The following GET3 variants were observed in gnomAD, a reference collection of about 807,000 sequenced individuals.
GET3 encodes ATPase GET3.
A neutral mutation model predicts 32.4 loss-of-function variants in GET3; 15 were observed. The observed-to-expected ratio is 0.46, with a 90% CI of 0.31 to 0.71. The LOEUF (loss-of-function observed/expected upper bound fraction) is 0.71. Among genes scored for constraint, GET3 ranks in the 30% least tolerant of loss-of-function variants. The pLI is 0.05. For missense variants in GET3, 333 were observed against 459.0 expected, an observed-to-expected ratio of 0.73 and a Z score of 2.51; for synonymous variants, 198 against 185.6, an observed-to-expected ratio of 1.07 and a Z score of -0.54.
At chr19:12,737,945 C>A (rs1039598321) in intron 1 of GET3, among the ~76,000 whole-genome samples, 1 of 152,272 alleles carries the variant, frequency 6.6e-6, no homozygotes, top group Non-Finnish European at 1.5e-5. Flanking sequence ...TCAGCTGGAC[C>A]GTACCTGAGT....
At chr19:12,737,391 C>A, upstream of GET3, 1 of 1,273,964 alleles carries the variant, frequency 7.8e-7, no homozygotes, top group Non-Finnish European at 1.0e-6. Context: ...TCCTAAAAGG[C>A]AAGTAATGAG....
At chr19:12,737,209 C>T (rs140982769), upstream of GET3, 91 of 277,444 alleles carry the variant, frequency 3.3e-4, no homozygotes, top group African/African-American at 1.7e-3. Flanking sequence ...TAAGAAAAGA[C>T]ATAGCCAATG....
rs748902753 is a variant in GET3 at position 12,747,487 on chromosome 19, T to A, written c.810T>A (p.Ile270=). 7 of 1,613,992 alleles carry A rather than the reference T, an allele frequency of 4.3e-6. No individual in the cohort carries two copies. Among genetic ancestry groups the A allele is most frequent in the Non-Finnish European group, 3.4e-6 (4 of 1,179,988 alleles). ...RLIQELAKCK[I]DTHNIIVNQL... is the part of the protein sequence containing the mutation. ...TCCAGGAGCTGGCCAAGTGCAAGATTGACACACACAATATAATTGTCAACC... is the reference window on the plus strand; with the variant it reads ...TCCAGGAGCTGGCCAAGTGCAAGATAGACACACACAATATAATTGTCAACC... The change falls in exon 6 of 7, where the codon ATT becomes ATA. Residue 270 remains isoleucine, a synonymous_variant. Transcript: ENST00000357332. The surrounding 1 kb of genome is among the most constrained non-coding windows in gnomAD (Gnocchi z 4.0).
Position 12,745,697 on chromosome 19 carries a change from G to T in GET3, c.547G>T (p.Val183Leu). The change falls in exon 4 of 7, where the codon GTG becomes TTG. Residue 183 changes from valine to leucine, a missense_variant. By Grantham distance (32) the Val-to-Leu change is conservative (BLOSUM62 1). This residue lies in a region of GET3 where 230 missense variants were observed against 389.2 expected (regional missense o/e 0.59). Coordinates refer to ENST00000357332, the MANE Select transcript of GET3 (RefSeq NM_004317.4). This position sits in a 1 kb window ranked among gnomAD's most constrained non-coding sequence, Gnocchi z 5.0. ...GAGGCTGCTCAACTTCCCCACCATC[G>T]TGGAGCGGGGCCTGGGCCGGCTTAT... ...TLRLLNFPTIVERGLGRLMQI... is the reference protein window; with the variant it reads ...TLRLLNFPTILERGLGRLMQI... 1 of 1,612,918 alleles carries T rather than the reference G, an allele frequency of 6.2e-7. No homozygotes were observed. The highest frequency in any genetic ancestry group is 8.5e-7 in the Non-Finnish European group (1 of 1,179,952).
Position 12,738,777 on chromosome 19 carries a change from C to T in GET3, c.309+119C>T, listed in dbSNP as rs540279924. 2.2e-4 allele frequency: 292 copies of T among 1,318,604 alleles called. 1 individual carries two copies. In the African/African-American group the frequency reaches 3.9e-3, roughly 18 times the overall value. 81.7% of individuals were successfully genotyped at this position (1,318,604 alleles called of 1,614,324 possible). Reference sequence around the variant, plus strand: ...TCTATATCCTGTGTCTCTCGTGTTTCACTCCTTCCTCAACATACTCACAAG... The same window carrying T: ...TCTATATCCTGTGTCTCTCGTGTTTTACTCCTTCCTCAACATACTCACAAG... On this transcript the variant is annotated intron_variant, in intron 2 of 6. Coordinates refer to ENST00000357332, the MANE Select transcript of GET3 (RefSeq NM_004317.4).
rs770752093 is a variant in GET3, at chr19:12,747,605, A to T, written c.915+13A>T. 14 of 1,609,912 alleles carry T rather than the reference A, an allele frequency of 8.7e-6. No individual in the cohort carries two copies. The highest frequency in any genetic ancestry group is 1.2e-5 in the Non-Finnish European group (14 of 1,179,186). On this transcript the variant is annotated intron_variant, in intron 6 of 6. Transcript: ENST00000357332. This position sits in a 1 kb window ranked among gnomAD's most constrained non-coding sequence, Gnocchi z 4.0. ...GTATCTGGACCAGGTGTGCCCACCC[A>T]CCCAGCACTGGCTCAGCAGAGGCAC...
Position 12,747,670 on chromosome 19 carries a change from G to A in GET3, c.915+78G>A. The stretch of plus-strand genomic sequence containing the variant: ...TCTCTGATCTTTTGCTCCACCATCT[G>A]GCCCTCTGCCCTCTAGCCTCCTGCC... On this transcript the variant is annotated intron_variant, in intron 6 of 6. Coordinates refer to ENST00000357332, the MANE Select transcript of GET3 (RefSeq NM_004317.4). The surrounding 1 kb of genome is among the most constrained non-coding windows in gnomAD (Gnocchi z 4.0). 1 of 1,507,446 alleles carries A rather than the reference G, an allele frequency of 6.6e-7. No homozygotes were observed. The highest frequency in any genetic ancestry group is 1.9e-5 in the Admixed American group (1 of 51,742). 93.4% of individuals were successfully genotyped at this position (1,507,446 alleles called of 1,614,324 possible). A position where few individuals can be genotyped will look rare whatever the true frequency, so the allele number is the denominator to read the frequency against.
Position 12,747,257 on chromosome 19 carries a change from G to A in GET3, c.670G>A (p.Glu224Lys). 6.2e-7 allele frequency: 1 copy of A among 1,612,410 alleles called. No individual in the cohort carries two copies. Among genetic ancestry groups the A allele is most frequent in the Non-Finnish European group, 8.5e-7 (1 of 1,179,050 alleles). Residue 224 changes from glutamate to lysine, a missense_variant, in exon 5 of 7, where the codon GAG becomes AAG. Around this residue, in one of 3 missense-constraint regions of GET3, gnomAD observed 230 missense variants for 389.2 expected, o/e 0.59. Coordinates refer to ENST00000357332, the MANE Select transcript of GET3 (RefSeq NM_004317.4). The surrounding 1 kb of genome is among the most constrained non-coding windows in gnomAD (Gnocchi z 4.0). ...AGACCAGCTGGCCTCCAAGCTGGAGGAGACGCTGCCCGTCATCCGCTCAGT... is the reference window on the plus strand; with the variant it reads ...AGACCAGCTGGCCTCCAAGCTGGAGAAGACGCTGCCCGTCATCCGCTCAGT... ...NADQLASKLE[E>K]TLPVIRSVSE... is the part of the protein sequence containing the mutation.
intron 4 of GET3, among the ~76,000 whole-genome samples, chr19:12,746,773 G>A (rs140820190): frequency 3.0e-4 from 45 of 152,226 alleles, no homozygotes; most frequent in Non-Finnish European, 4.6e-4. Flanking sequence ...ACTTCGCAAG[G>A]CCGAGGCAGG....
In GET3 at chr19:12,747,638, C is replaced by G. The variant is rs904518241; in HGVS notation, c.915+46C>G. On this transcript the variant is annotated intron_variant, in intron 6 of 6. Transcript: ENST00000357332. This position sits in a 1 kb window ranked among gnomAD's most constrained non-coding sequence, Gnocchi z 4.0. ...CTGGCTCAGCAGAGGCACCTCTGCCCCTTTATTCTCTGATCTTTTGCTCCA... is the reference window on the plus strand; with the variant it reads ...CTGGCTCAGCAGAGGCACCTCTGCCGCTTTATTCTCTGATCTTTTGCTCCA... The G allele has an allele frequency of 1.3e-6, 2 of 1,577,950 alleles. No homozygotes were observed. The highest frequency in any genetic ancestry group is 1.7e-6 in the Non-Finnish European group (2 of 1,159,710).
At chr19:12,738,796 T>C in intron 2 of GET3, 138 bp downstream of exon 2, 1 of 1,187,684 alleles carries the variant, frequency 8.4e-7, no homozygotes, top group Middle Eastern at 2.8e-4. Context: ...CTCAACATAC[T>C]CACAAGGGAA....
chr19:12,741,483 G>T (rs1967668325), intron 2 of GET3, among the ~76,000 whole-genome samples: 1 of 151,326 alleles, frequency 6.6e-6, no homozygotes, highest in Non-Finnish European at 1.5e-5. Flanking sequence ...AATAAGCCAG[G>T]CACGGTGGCT....
At position 12,745,583 on chromosome 19, in the gene GET3, AG is replaced by A. The variant is rs1184868598; in HGVS notation, c.459-23del. The A allele has an allele frequency of 6.2e-7, 1 of 1,611,242 alleles. No individual in the cohort carries two copies. The highest frequency in any genetic ancestry group is 1.1e-5 in the South Asian group (1 of 91,042). On this transcript the variant is annotated intron_variant, in intron 3 of 6. Coordinates refer to ENST00000357332, the MANE Select transcript of GET3 (RefSeq NM_004317.4). This position sits in a 1 kb window ranked among gnomAD's most constrained non-coding sequence, Gnocchi z 5.0. ...TGGGGAAGGGGAAGAGCGGACACAG[AG>A]GGCCTGACCCCTGTCTCCCCTCAGG...
At position 12,745,875 on chromosome 19, in the gene GET3, A is replaced by G; in HGVS notation, c.609+116A>G. The G allele has an allele frequency of 7.5e-7, 1 of 1,338,192 alleles. No homozygotes were observed. The highest frequency in any genetic ancestry group is 1.0e-6 in the Non-Finnish European group (1 of 1,004,774). The allele number at this position is 1,338,192 out of a possible 1,614,324, so 82.9% of individuals were successfully genotyped here. A position where few individuals can be genotyped will look rare whatever the true frequency, so the allele number is the denominator to read the frequency against. ...TTCCCTTTCCTTCCCACCCCTTCTC[A>G]CTCTGGACTTCTCCCTGGAGGGGAT... On this transcript the variant is annotated intron_variant, in intron 4 of 6. Coordinates refer to ENST00000357332, the MANE Select transcript of GET3 (RefSeq NM_004317.4). The surrounding 1 kb of genome is among the most constrained non-coding windows in gnomAD (Gnocchi z 5.0).
intron 1 of GET3, 117 bp from the exon 2 acceptor site, chr19:12,738,394 C>T (rs964156813): frequency 7.5e-6 from 10 of 1,330,544 alleles, no homozygotes; most frequent in East Asian, 2.3e-5. Flanking sequence ...ATACTCTCCT[C>T]TCAAGGCCCC....
chr19:12,744,615 T>A (rs1967736271), intron 2 of GET3, among the ~76,000 whole-genome samples: 1 of 152,146 alleles, frequency 6.6e-6, no homozygotes, highest in Non-Finnish European at 1.5e-5. Flanking sequence ...GTACCGCGCC[T>A]GGCTGGATTC....
In GET3 at chr19:12,745,128, C is replaced by T. The variant is rs558106332; in HGVS notation, c.310-249C>T. ...TGGCCCGCAGTGGGTTTCAGCTTCC[C>T]TTTGAGGGCCCTGGGCACAGCTTGC... On this transcript the variant is annotated intron_variant, in intron 2 of 6. Transcript: ENST00000357332. This position sits in a 1 kb window ranked among gnomAD's most constrained non-coding sequence, Gnocchi z 5.0. Among the ~76,000 whole-genome samples, 5 of 152,050 alleles carry T rather than the reference C, an allele frequency of 3.3e-5. No individual in the cohort carries two copies. The highest frequency in any genetic ancestry group is 1.3e-4 in the Admixed American group (2 of 15,274).
At position 12,740,084 on chromosome 19, in the gene GET3, CAA is replaced by C. The variant is rs893347627; in HGVS notation, c.309+1439_309+1440del. 8.3e-4 allele frequency among the ~76,000 whole-genome samples: 113 copies of C among 136,758 alleles called. 1 individual carries two copies. The highest frequency in any genetic ancestry group is 2.9e-3 in the African/African-American group (108 of 37,718). The allele number at this position is 136,758 out of a possible 152,430, so 89.7% of individuals were successfully genotyped here. ...GTAGAGACGAGGTTTTCTCACGTCT[CAA>C]AAAAAAAAAAAATTGGCTGGGCGCA... On this transcript the variant is annotated intron_variant, in intron 2 of 6. Transcript: ENST00000357332.
Position 12,745,476 on chromosome 19 carries a change from A to G in GET3, c.409A>G (p.Ser137Gly). 1 of 1,613,274 alleles carries G rather than the reference A, an allele frequency of 6.2e-7. No homozygotes were observed. Among genetic ancestry groups the G allele is most frequent in the Non-Finnish European group, 8.5e-7 (1 of 1,180,012 alleles). Residue 137 changes from serine (S) to glycine (G), a missense_variant, in exon 3 of 7, where the codon AGC (serine) becomes GGC (glycine). Ser to Gly is a moderately conservative substitution (Grantham distance 56). Around this residue, in one of 3 missense-constraint regions of GET3, gnomAD observed 230 missense variants for 389.2 expected, o/e 0.59. Transcript: ENST00000357332. This position sits in a 1 kb window ranked among gnomAD's most constrained non-coding sequence, Gnocchi z 5.0. ...CAAGAAGATGATGCAGGAGGCCATG[A>G]GCGCATTTCCCGGCATCGATGAGGC... ...MGKKMMQEAM[S>G]AFPGIDEAMS...
Sources: gnomAD v4.1 joint callset for allele counts (sites outside exome capture counted in the v4.1 genomes callset) on GRCh38, gnomAD v4.1.1 for gene constraint, gnomAD v4.1.1 regional missense constraint, Gnocchi (gnomAD v3.1) non-coding constraint, MANE v1.5 for transcripts, NCBI Gene and HGNC (gene_info 2026-07-23, HGNC 2026-07-21) for gene names.